Variants in NEGR1 observed in about 807,000 individuals in gnomAD.
NEGR1 encodes the protein IgLON family member 4.
NEGR1 carries 10 observed loss-of-function variants against 40.9 expected under a neutral mutation model. The observed-to-expected ratio is 0.24, with a 90% CI of 0.15 to 0.42. The LOEUF is 0.42. Ranked by LOEUF, NEGR1 falls within the 10% of genes least tolerant of loss-of-function variation. NEGR1 has a pLI of 1.00. For missense variants in NEGR1, 352 were observed against 438.9 expected, an observed-to-expected ratio of 0.80 and a Z score of 1.77; for synonymous variants, 185 against 166.8, an observed-to-expected ratio of 1.11 and a Z score of -0.84.
At chr1:71,871,103 T>C (rs1164958320) in intron 2 of NEGR1, among the ~76,000 whole-genome samples, 1 of 152,232 alleles carries the variant, frequency 6.6e-6, no homozygotes, top group African/African-American at 2.4e-5. Context: ...TCTTTGAGAT[T>C]GTTCTCCATC....
At chr1:71,928,466 T>TATATACACACATATATATGTA in intron 2 of NEGR1, among the ~76,000 whole-genome samples, 1 of 86,554 alleles carries the variant, frequency 1.2e-5, no homozygotes, top group South Asian at 4.7e-4. Flanking sequence ...ACACACATAC[T>TATATACACACATATATATGTA]TATATATACA....
At position 71,839,438 on chromosome 1, in the gene NEGR1, G is replaced by A. The variant is rs562445501; in HGVS notation, c.410-63141C>T. On this transcript the variant is annotated intron_variant, in intron 2 of 6. Transcript: ENST00000357731. Reference sequence around the variant, plus strand: ...ATTGGCCAGGCTGGTCTTGAACTCCGGACCTCAGGCGATCCACCCACCTCA... The same window carrying A: ...ATTGGCCAGGCTGGTCTTGAACTCCAGACCTCAGGCGATCCACCCACCTCA... Among the ~76,000 whole-genome samples, 182 of 151,314 alleles carry A rather than the reference G, an allele frequency of 1.2e-3. 1 individual carries two copies. The highest frequency in any genetic ancestry group is 2.2e-3 in the Non-Finnish European group (148 of 67,768).
At chr1:71,812,953 A>G (rs1303789955) in intron 2 of NEGR1, among the ~76,000 whole-genome samples, 1 of 152,014 alleles carries the variant, frequency 6.6e-6, no homozygotes, top group East Asian at 1.9e-4. Context: ...CCAATGCGTC[A>G]ATTTTTGCTT....
At chr1:71,506,796 AAAAC>A (rs1463615947) in intron 6 of NEGR1, among the ~76,000 whole-genome samples, 4 of 152,084 alleles carry the variant, frequency 2.6e-5, no homozygotes. Flanking sequence ...TGATGGATAA[AAAAC>A]AAAAACAAAA....
chr1:72,125,626 G>A (rs900965789), intron 1 of NEGR1, among the ~76,000 whole-genome samples: 1 of 152,110 alleles, frequency 6.6e-6, no homozygotes, highest in Non-Finnish European at 1.5e-5. Flanking sequence ...TATACACAGA[G>A]CACAGATAGT....
intron 1 of NEGR1, among the ~76,000 whole-genome samples, chr1:72,157,243 T>C (rs1487703444): frequency 6.6e-6 from 1 of 152,184 alleles, no homozygotes. Flanking sequence ...AGTGTTGGGA[T>C]TACAAGCGTG....
intron 1 of NEGR1, among the ~76,000 whole-genome samples, chr1:72,005,181 T>C (rs1646596181): frequency 1.3e-5 from 2 of 152,276 alleles, no homozygotes; most frequent in African/African-American, 4.8e-5. Context: ...CTGTTTATTA[T>C]GTTTATTTTT....
At chr1:71,649,693 T>C (rs1651646542) in intron 4 of NEGR1, among the ~76,000 whole-genome samples, 1 of 152,158 alleles carries the variant, frequency 6.6e-6, no homozygotes, top group African/African-American at 2.4e-5. Context: ...GACAATGAAC[T>C]TATATTACAT....
At chr1:72,199,559 T>C (rs560807468) in intron 1 of NEGR1, among the ~76,000 whole-genome samples, 2 of 152,106 alleles carry the variant, frequency 1.3e-5, no homozygotes, top group East Asian at 1.9e-4. Flanking sequence ...AACTGGGTGA[T>C]TGACATTAAA....
chr1:71,538,318 A>G (rs1202838608), intron 6 of NEGR1, among the ~76,000 whole-genome samples: 1 of 151,602 alleles, frequency 6.6e-6, no homozygotes, highest in Non-Finnish European at 1.5e-5. Context: ...CTTCATTTCT[A>G]TGTATTTTGG....
intron 2 of NEGR1, among the ~76,000 whole-genome samples, chr1:71,849,692 G>T (rs1228559932): frequency 6.6e-6 from 1 of 152,106 alleles, no homozygotes; most frequent in East Asian, 1.9e-4. Context: ...AAACTTGCTT[G>T]TTTTATTTTA....
At chr1:71,936,627 A>G (rs1401318987) in intron 1 of NEGR1, among the ~76,000 whole-genome samples, 2 of 152,244 alleles carry the variant, frequency 1.3e-5, no homozygotes, top group African/African-American at 4.8e-5. Flanking sequence ...TAGGAATTTC[A>G]GGGAACTACA....
At chr1:72,029,129 T>C (rs1646836630) in intron 1 of NEGR1, among the ~76,000 whole-genome samples, 1 of 151,982 alleles carries the variant, frequency 6.6e-6, no homozygotes, top group African/African-American at 2.4e-5. Flanking sequence ...AATTTGAAAA[T>C]ATGGAGACTA....
At chr1:71,816,796 C>A (rs1389153508) in intron 2 of NEGR1, among the ~76,000 whole-genome samples, 1 of 152,000 alleles carries the variant, frequency 6.6e-6, no homozygotes, top group African/African-American at 2.4e-5. Flanking sequence ...CTGAATATTA[C>A]CACGAATAAA....
intron 1 of NEGR1, among the ~76,000 whole-genome samples, chr1:72,206,005 G>A (rs986011232): frequency 1.1e-4 from 16 of 150,620 alleles, no homozygotes; most frequent in Admixed American, 2.0e-4. Context: ...CAAACATGTA[G>A]CAAGTGGCTG....
intron 6 of NEGR1, among the ~76,000 whole-genome samples, chr1:71,589,938 C>G (rs550941016): frequency 1.7e-3 from 259 of 152,072 alleles, no homozygotes; most frequent in Non-Finnish European, 1.6e-3. Context: ...CTACCCTCAT[C>G]TCTCAATACT....
At chr1:72,087,260 TACA>T (rs1422017217) in intron 1 of NEGR1, among the ~76,000 whole-genome samples, 1 of 151,862 alleles carries the variant, frequency 6.6e-6, no homozygotes, top group Non-Finnish European at 1.5e-5. Context: ...CTACTAAAAA[TACA>T]ACAATAACAA....
At chr1:71,807,263 T>C (rs1290157896) in intron 2 of NEGR1, among the ~76,000 whole-genome samples, 3 of 152,128 alleles carry the variant, frequency 2.0e-5, no homozygotes, top group African/African-American at 7.2e-5. Context: ...GCATTTCATA[T>C]TGTTTCTGTG....
intron 2 of NEGR1, among the ~76,000 whole-genome samples, chr1:71,800,904 G>T (rs1485200219): frequency 6.6e-6 from 1 of 152,098 alleles, no homozygotes; most frequent in African/African-American, 2.4e-5. Context: ...AATCTTTTCT[G>T]TTTACTGCCT....
Sources: gnomAD v4.1 joint callset for allele counts (sites outside exome capture counted in the v4.1 genomes callset) on GRCh38, gnomAD v4.1.1 for gene constraint, MANE v1.5 for transcripts, NCBI Gene and HGNC (gene_info 2026-07-23, HGNC 2026-07-21) for gene names.